Variants in NTRK3 observed in about 807,000 individuals in gnomAD.
NTRK3 encodes neurotrophic receptor tyrosine kinase 3, also known as NT-3 growth factor receptor.
A neutral mutation model predicts 91.7 loss-of-function variants in NTRK3; 24 were observed. The ratio of observed to expected loss-of-function variants is 0.26; its 90% CI spans 0.19 to 0.37. NTRK3 has a LOEUF of 0.37. NTRK3 is among the 10% of genes least tolerant of loss of function. The probability of loss-of-function intolerance (pLI) is 1.00; values close to 1 mark genes in which losing one functional copy is unlikely to be tolerated. For missense variants in NTRK3, 880 were observed against 1,068.9 expected, an observed-to-expected ratio of 0.82 and a Z score of 2.46; for synonymous variants, 483 against 404.0, an observed-to-expected ratio of 1.20 and a Z score of -2.34.
At chr15:88,155,291 T>C (rs1419779067) in intron 5 of NTRK3, among the ~76,000 whole-genome samples, 1 of 152,202 alleles carries the variant, frequency 6.6e-6, no homozygotes, top group Non-Finnish European at 1.5e-5. Context: ...AGACATTCAA[T>C]GTTGCTGGCT....
intron 13 of NTRK3, among the ~76,000 whole-genome samples, chr15:88,091,749 G>A (rs537292238): frequency 2.0e-5 from 3 of 152,244 alleles, no homozygotes; most frequent in South Asian, 2.1e-4. Flanking sequence ...CATATTTGTC[G>A]ACCTGAGGGA....
At chr15:88,165,429 TAA>T (rs970429813) in intron 5 of NTRK3, among the ~76,000 whole-genome samples, 1 of 152,204 alleles carries the variant, frequency 6.6e-6, no homozygotes, top group African/African-American at 2.4e-5. Context: ...CAACTTAATT[TAA>T]AATCTTGAGA....
intron 5 of NTRK3, among the ~76,000 whole-genome samples, chr15:88,151,542 C>G (rs2043377211): frequency 6.6e-6 from 1 of 152,114 alleles, no homozygotes; most frequent in African/African-American, 2.4e-5. Context: ...GGAATAGAGC[C>G]CACAAATGGG....
At chr15:88,140,845 T>C (rs558647192) in intron 6 of NTRK3, among the ~76,000 whole-genome samples, 4 of 152,212 alleles carry the variant, frequency 2.6e-5, no homozygotes, top group African/African-American at 9.6e-5. Flanking sequence ...CTAGTTAATA[T>C]GGGCCTAGAG....
intron 13 of NTRK3, among the ~76,000 whole-genome samples, chr15:88,065,203 G>T (rs1483882860): frequency 6.6e-6 from 1 of 152,108 alleles, no homozygotes; most frequent in Non-Finnish European, 1.5e-5. Flanking sequence ...ACCAAGCACT[G>T]AAAGTTCTGG....
At chr15:88,165,106 G>A (rs1597705780) in intron 5 of NTRK3, among the ~76,000 whole-genome samples, 1 of 152,198 alleles carries the variant, frequency 6.6e-6, no homozygotes, top group East Asian at 1.9e-4. Context: ...TAGAGACAAT[G>A]CAATCTGCAT....
chr15:88,114,021 A>C (rs1449801283), intron 13 of NTRK3, among the ~76,000 whole-genome samples: 8 of 152,138 alleles, frequency 5.3e-5, no homozygotes, highest in East Asian at 3.9e-4. Flanking sequence ...CCCACCACCA[A>C]CAACAACCAC....
At chr15:88,090,663 C>T (rs1404013525) in intron 13 of NTRK3, among the ~76,000 whole-genome samples, 1 of 152,142 alleles carries the variant, frequency 6.6e-6, no homozygotes, top group Non-Finnish European at 1.5e-5. Flanking sequence ...ACAATGCCAA[C>T]CTGCCAGTAA....
exon 19 of NTRK3, chr15:87,863,925 C>G (rs1222128145): frequency 4.3e-6 from 1 of 231,394 alleles, no homozygotes; most frequent in African/African-American, 2.2e-5. Flanking sequence ...AAAGTATAAA[C>G]TCATAAACAA....
At position 88,240,522 on chromosome 15, in the gene NTRK3, C is replaced by A. The variant is rs1011113856; in HGVS notation, c.248+15384G>T. ...CAGCACGTCATGTGTCCTGTCGGCC[C>A]AAGGGTGCCTGCTTACTGTGGAGGA... On this transcript the variant is annotated intron_variant, in intron 3 of 18. Transcript: ENST00000394480. This position sits in a 1 kb window ranked among gnomAD's most constrained non-coding sequence, Gnocchi z 4.9. Among the ~76,000 whole-genome samples the A allele has an allele frequency of 6.6e-6, 1 of 152,194 alleles. No homozygotes were observed. The highest frequency in any genetic ancestry group is 2.4e-5 in the African/African-American group (1 of 41,452).
rs74027794 is a variant in NTRK3 at position 88,180,140 on chromosome 15, T to C, written c.395+3278A>G. Among the ~76,000 whole-genome samples the C allele has an allele frequency of 1.4e-3, 220 of 152,340 alleles. 1 individual carries two copies. The highest frequency in any genetic ancestry group is 5.1e-3 in the African/African-American group (213 of 41,576). On this transcript the variant is annotated intron_variant, in intron 5 of 18. Transcript: ENST00000394480. The stretch of plus-strand genomic sequence containing the variant: ...GGCTGAGAGCTGTATGTGCCTCTTA[T>C]CGTTTAATCTTGACCACATCCCATC...
intron 14 of NTRK3, among the ~76,000 whole-genome samples, chr15:88,013,945 A>G (rs1013384899): frequency 2.6e-5 from 4 of 152,136 alleles, no homozygotes; most frequent in African/African-American, 7.2e-5. Flanking sequence ...CCCTGTCTCA[A>G]TTTTTTTAAA....
chr15:88,220,729 G>A (rs1036306763), intron 3 of NTRK3, among the ~76,000 whole-genome samples: 26 of 152,144 alleles, frequency 1.7e-4, no homozygotes, highest in Non-Finnish European at 7.3e-5. Flanking sequence ...TCTTCCCAGC[G>A]AGAGCGGGAA....
At chr15:88,185,254 G>C (rs2046853896) in intron 3 of NTRK3, among the ~76,000 whole-genome samples, 1 of 152,146 alleles carries the variant, frequency 6.6e-6, no homozygotes, top group Admixed American at 6.5e-5. Flanking sequence ...CTATTAACCA[G>C]AGCTTTTTAT....
intron 17 of NTRK3, 26 bp downstream of exon 17, chr15:87,929,165 T>A (rs1348691330): frequency 1.2e-6 from 2 of 1,614,016 alleles, no homozygotes; most frequent in Admixed American, 1.7e-5. Flanking sequence ...TGTGGCTGAG[T>A]CCTGCAGCTG....
At chr15:87,906,205 A>G (rs976525465) in intron 17 of NTRK3, among the ~76,000 whole-genome samples, 1 of 152,252 alleles carries the variant, frequency 6.6e-6, no homozygotes, top group Non-Finnish European at 1.5e-5. Context: ...CTCATCCTCA[A>G]AGTGGAACTA....
intron 6 of NTRK3, among the ~76,000 whole-genome samples, chr15:88,140,081 A>G (rs75284605): frequency 0.015 from 2,217 of 152,328 alleles, 35 homozygotes; most frequent in East Asian, 0.091. Flanking sequence ...TGGAAGCCAG[A>G]TAAGAGAGGA....
At chr15:88,173,505 C>T (rs1301639951) in intron 5 of NTRK3, among the ~76,000 whole-genome samples, 4 of 152,238 alleles carry the variant, frequency 2.6e-5, no homozygotes, top group African/African-American at 9.6e-5. Flanking sequence ...TCATCAGGCT[C>T]CATTCTCTAT....
At chr15:88,095,138 G>A (rs574972575) in intron 13 of NTRK3, among the ~76,000 whole-genome samples, 2 of 152,340 alleles carry the variant, frequency 1.3e-5, no homozygotes, top group African/African-American at 2.4e-5. Context: ...AAGGAAGAGT[G>A]AGAACAGCTT....
Sources: gnomAD v4.1 joint callset for allele counts (sites outside exome capture counted in the v4.1 genomes callset) on GRCh38, gnomAD v4.1.1 for gene constraint, Gnocchi (gnomAD v3.1) non-coding constraint, MANE v1.5 for transcripts, NCBI Gene and HGNC (gene_info 2026-07-23, HGNC 2026-07-21) for gene names.